The following AK5 variants were observed in gnomAD, a reference collection of about 807,000 sequenced individuals.
The protein encoded by AK5 is adenylate kinase 5.
Under a neutral mutation model 69.5 loss-of-function variants are expected in AK5, and 27 were observed. The observed-to-expected ratio is 0.39, with a 90% CI of 0.29 to 0.54. AK5 has a LOEUF of 0.54. Ranked by LOEUF, AK5 falls within the 20% of genes least tolerant of loss-of-function variation. The pLI is 0.71. For synonymous variants in AK5, 260 were observed against 244.4 expected (o/e 1.06, Z -0.60); for missense variants, 531 against 700.4 (o/e 0.76, Z 2.73).
intron 5 of AK5, among the ~76,000 whole-genome samples, chr1:77,338,017 TGCAATG>T (rs1661459403): frequency 6.7e-6 from 1 of 149,444 alleles, no homozygotes; most frequent in Non-Finnish European, 1.5e-5. Flanking sequence ...CAGGCTGGAG[TGCAATG>T]GCACGATCTC....
chr1:77,382,865 G>A (rs1250705635), intron 6 of AK5, among the ~76,000 whole-genome samples: 3 of 152,196 alleles, frequency 2.0e-5, no homozygotes, highest in Non-Finnish European at 4.4e-5. Context: ...CAGAATCACA[G>A]TATTCTTGAG....
intron 12 of AK5, among the ~76,000 whole-genome samples, chr1:77,527,830 C>A (rs182820235): frequency 6.6e-6 from 1 of 152,170 alleles, no homozygotes; most frequent in Non-Finnish European, 1.5e-5. Context: ...GAGGCCGAGG[C>A]GGGCAGATCA....
chr1:77,558,363 C>G (rs761443714), intron 13 of AK5, among the ~76,000 whole-genome samples: 2 of 151,770 alleles, frequency 1.3e-5, no homozygotes, highest in Non-Finnish European at 2.9e-5. Flanking sequence ...CAGCATTTGG[C>G]GGTGTCAGTG....
intron 8 of AK5, among the ~76,000 whole-genome samples, chr1:77,421,268 A>G (rs1430425984): frequency 6.6e-6 from 1 of 151,964 alleles, no homozygotes; most frequent in Non-Finnish European, 1.5e-5. Context: ...TATTATCCCA[A>G]TTTTCCTGAT....
chr1:77,303,694 C>G (rs1490126919), intron 5 of AK5, among the ~76,000 whole-genome samples: 1 of 152,172 alleles, frequency 6.6e-6, no homozygotes. Context: ...TGGAAGGGGT[C>G]TTGACGATCC....
intron 13 of AK5, among the ~76,000 whole-genome samples, chr1:77,549,151 C>T (rs967901519): frequency 2.0e-5 from 3 of 152,090 alleles, no homozygotes; most frequent in African/African-American, 7.2e-5. Flanking sequence ...CCTGGGATTA[C>T]AGGCATGAGC....
At chr1:77,374,123 A>G (rs1647179224) in intron 6 of AK5, among the ~76,000 whole-genome samples, 1 of 152,218 alleles carries the variant, frequency 6.6e-6, no homozygotes, top group Admixed American at 6.5e-5. Context: ...TTAGATTGGT[A>G]TCTCAGCTTC....
At position 77,293,781 on chromosome 1, in the gene AK5, A is replaced by T. The variant is rs372088517; in HGVS notation, c.248-12A>T. 9.5e-6 allele frequency: 15 copies of T among 1,581,246 alleles called. No individual in the cohort carries two copies. In the African/African-American group the frequency reaches 2.1e-4, roughly 22 times the overall value. ...GTTTTTTCCTTTTCAAAGTTATCTT[A>T]CTCTTTTGCAGTAATGCCTGAAAAC... On this transcript the variant is annotated splice_polypyrimidine_tract_variant and intron_variant, in intron 2 of 13. Coordinates refer to ENST00000354567, the MANE Select transcript of AK5 (RefSeq NM_174858.3).
At chr1:77,331,170 G>A (rs1317863241) in intron 5 of AK5, among the ~76,000 whole-genome samples, 1 of 151,588 alleles carries the variant, frequency 6.6e-6, no homozygotes, top group Non-Finnish European at 1.5e-5. Context: ...GCAAATAATG[G>A]CAATTGTATT....
chr1:77,546,619 A>G (rs1405121495), intron 13 of AK5, among the ~76,000 whole-genome samples: 1 of 152,212 alleles, frequency 6.6e-6, no homozygotes, highest in Non-Finnish European at 1.5e-5. Context: ...CTGAGGCACA[A>G]GAATTGTTTG....
intron 6 of AK5, among the ~76,000 whole-genome samples, chr1:77,355,916 C>T (rs939647523): frequency 4.0e-5 from 6 of 150,962 alleles, no homozygotes; most frequent in Non-Finnish European, 7.4e-5. Flanking sequence ...TATATATATA[C>T]ACACACTTAA....
chr1:77,480,444 G>A (rs2100716704), intron 8 of AK5, among the ~76,000 whole-genome samples: 1 of 152,308 alleles, frequency 6.6e-6, no homozygotes, highest in East Asian at 1.9e-4. Flanking sequence ...GACTCAGGAA[G>A]CCTGGCAGAG....
intron 12 of AK5, among the ~76,000 whole-genome samples, chr1:77,534,120 C>T (rs868267353): frequency 1.3e-5 from 2 of 152,102 alleles, no homozygotes; most frequent in Non-Finnish European, 2.9e-5. Context: ...CACGATATTA[C>T]GAGTTCTCCG....
intron 1 of AK5, chr1:77,282,933 A>G (rs1658141756): frequency 2.0e-6 from 2 of 985,884 alleles, no homozygotes; most frequent in African/African-American, 3.5e-5. Context: ...ACAGGCCCCC[A>G]GCCTTGCTCT....
chr1:77,440,839 C>T (rs1652280709), intron 8 of AK5, among the ~76,000 whole-genome samples: 1 of 152,144 alleles, frequency 6.6e-6, no homozygotes, highest in Non-Finnish European at 1.5e-5. Flanking sequence ...GCAACCTCCA[C>T]CTCCCAGGTT....
intron 6 of AK5, chr1:77,371,474 C>G (rs1291414081): frequency 6.6e-6 from 1 of 152,218 alleles, no homozygotes; most frequent in African/African-American, 2.4e-5. Flanking sequence ...GCTGGTAAGT[C>G]CTTCCCTATC....
chr1:77,526,851 T>C (rs1478745422), intron 12 of AK5, among the ~76,000 whole-genome samples: 1 of 151,724 alleles, frequency 6.6e-6, no homozygotes, highest in Non-Finnish European at 1.5e-5. Context: ...GAGGACAAGA[T>C]GTATAGTAAA....
intron 6 of AK5, among the ~76,000 whole-genome samples, chr1:77,372,642 A>G (rs1647141372): frequency 6.6e-6 from 1 of 152,160 alleles, no homozygotes; most frequent in Non-Finnish European, 1.5e-5. Flanking sequence ...CTTTGGATAT[A>G]TAAGGACTCA....
intron 6 of AK5, among the ~76,000 whole-genome samples, chr1:77,375,721 A>G (rs1210436352): frequency 6.6e-6 from 1 of 152,114 alleles, no homozygotes; most frequent in Non-Finnish European, 1.5e-5. Context: ...CAGCCACACA[A>G]TAGAATGCAG....
Sources: gnomAD v4.1 joint callset for allele counts (sites outside exome capture counted in the v4.1 genomes callset) on GRCh38, gnomAD v4.1.1 for gene constraint, MANE v1.5 for transcripts, NCBI Gene and HGNC (gene_info 2026-07-23, HGNC 2026-07-21) for gene names.